Variants in LAMC2 observed in about 807,000 individuals in gnomAD.
The protein encoded by LAMC2 is laminin subunit gamma 2.
Under a neutral mutation model 140.2 loss-of-function variants are expected in LAMC2, and 97 were observed. The ratio of observed to expected loss-of-function variants is 0.69; its 90% CI spans 0.59 to 0.82. The LOEUF (loss-of-function observed/expected upper bound fraction) is 0.82, where lower values mean the gene tolerates loss of function less well. Among genes scored for constraint, LAMC2 ranks in the 40% least tolerant of loss-of-function variants. The pLI, the probability that LAMC2 is intolerant of heterozygous loss-of-function variation, is 0.00. For synonymous variants in LAMC2, 513 were observed against 540.2 expected, an observed-to-expected ratio of 0.95 and a Z score of 0.70; for missense variants, 1,402 against 1,476.1, an observed-to-expected ratio of 0.95 and a Z score of 0.82.
At chr1:183,251,950 T>C in the LAMC2 span, 2 of 154,742 alleles carry the variant, frequency 1.3e-5, no homozygotes, top group African/African-American at 2.5e-5. Flanking sequence ...TGTGTGTGCG[T>C]GTGTGTGGTG....
chr1:183,201,523 C>G (rs1455987333), intron 1 of LAMC2, among the ~76,000 whole-genome samples: 1 of 152,208 alleles, frequency 6.6e-6, no homozygotes, highest in Admixed American at 6.5e-5. Context: ...ATGCATACAT[C>G]AGATCATGCA....
At chr1:183,219,505 T>TC (rs1426507272) in intron 4 of LAMC2, among the ~76,000 whole-genome samples, 5 of 152,188 alleles carry the variant, frequency 3.3e-5, no homozygotes, top group Admixed American at 2.6e-4. Flanking sequence ...ATTCTGACTT[T>TC]TATGGTAATC....
intron 1 of LAMC2, among the ~76,000 whole-genome samples, chr1:183,206,011 A>T (rs1009206348): frequency 6.6e-6 from 1 of 152,224 alleles, no homozygotes; most frequent in Non-Finnish European, 1.5e-5. Flanking sequence ...GTCTACATGC[A>T]ATGGTAAACT....
At chr1:183,239,936 T>A in intron 20 of LAMC2, 104 bp from the exon 21 acceptor site, 1 of 1,270,710 alleles carries the variant, frequency 7.9e-7, no homozygotes, top group Admixed American at 1.7e-5. Flanking sequence ...ATTTACTCCA[T>A]CAGGGCCCGG....
chr1:183,201,966 G>T (rs1658720168), intron 1 of LAMC2, among the ~76,000 whole-genome samples: 3 of 152,124 alleles, frequency 2.0e-5, no homozygotes, highest in Admixed American at 6.5e-5. Flanking sequence ...GATCTAAGGT[G>T]ACCTTGATGG....
Position 183,215,509 on chromosome 1 carries a change from A to G in LAMC2, c.325A>G (p.Thr109Ala). The G allele has an allele frequency of 6.2e-7, 1 of 1,614,206 alleles. No individual in the cohort carries two copies. The change falls in exon 3 of 23, where the codon ACA becomes GCA. Residue 109 changes from threonine to alanine, a missense_variant. Physicochemically the swap from Thr to Ala is moderately conservative, Grantham distance 58 (BLOSUM62 0). This residue lies in a region of LAMC2 where 723 missense variants were observed against 783.3 expected (regional missense o/e 0.92). Coordinates refer to ENST00000264144, the MANE Select transcript of LAMC2 (RefSeq NM_005562.3). ...SGRCSCKPGV[T>A]GARCDRCLPG... The stretch of plus-strand genomic sequence containing the variant: ...ACGGTGCAGCTGTAAACCAGGTGTG[A>G]CAGGAGCCAGATGCGACCGATGTCT...
rs1365540729 is a variant in LAMC2 at position 183,222,214 on chromosome 1, A to G, written c.763+3A>G. On this transcript the variant is annotated splice_donor_region_variant and intron_variant, in intron 6 of 22. Transcript: ENST00000264144. Reference sequence around the variant, plus strand: ...CCCTGTCTATTTTGTGGCTCCTGGTATGTGAGGAATAATGTCTCCTATAGA... The same window carrying G: ...CCCTGTCTATTTTGTGGCTCCTGGTGTGTGAGGAATAATGTCTCCTATAGA... 1.2e-6 allele frequency: 2 copies of G among 1,613,972 alleles called. No homozygotes were observed. Among genetic ancestry groups the G allele is most frequent in the Admixed American group, 1.7e-5 (1 of 60,020 alleles).
Position 183,218,411 on chromosome 1 carries a change from C to T in LAMC2, c.426C>T (p.Asp142=), listed in dbSNP as rs2102215374. The change falls in exon 4 of 23, where the codon GAC becomes GAT. Residue 142 remains aspartate (D), a synonymous_variant. Transcript: ENST00000264144. ...CCAGAGACTCCAAGTGTGACTGTGA[C>T]CCAGCTGGCATCGCAGGGCCCTGTG... The part of the protein sequence containing the change: ...QRLLDSKCDC[D]PAGIAGPCDA... 1.2e-6 allele frequency: 2 copies of T among 1,614,126 alleles called. No individual in the cohort carries two copies. The highest frequency in any genetic ancestry group is 8.5e-7 in the Non-Finnish European group (1 of 1,179,970).
In LAMC2 at chr1:183,220,855, G is replaced by C. The variant is rs748533660; in HGVS notation, c.534G>C (p.Gly178=). The change falls in exon 5 of 23, where the codon GGG becomes GGC. Residue 178 remains glycine, a synonymous_variant. Coordinates refer to ENST00000264144, the MANE Select transcript of LAMC2 (RefSeq NM_005562.3). ...RCRSGYYNLD[G]GNPEGCTQCF... ...GATCAGGTTACTATAATCTGGATGG[G>C]GGGAACCCTGAGGGCTGTACCCAGT... The C allele has an allele frequency of 6.2e-7, 1 of 1,613,962 alleles. No individual in the cohort carries two copies. Among genetic ancestry groups the C allele is most frequent in the African/African-American group, 1.3e-5 (1 of 75,048 alleles).
At chr1:183,232,115 G>A (rs1659816649) in intron 12 of LAMC2, 72 bp from the exon 13 acceptor site, 2 of 1,566,616 alleles carry the variant, frequency 1.3e-6, no homozygotes, top group Non-Finnish European at 1.8e-6. Context: ...TATCCCCTGG[G>A]TACCTGGTAT....
chr1:183,226,817 T>C lies in LAMC2; in HGVS notation c.1186T>C (p.Cys396Arg), dbSNP rs878996295. ...GTACAAGGGGCAATTCTGCCAGGAT[T>C]GTGCTTCTGGCTACAAGAGAGATTC... ...VGYKGQFCQD[C>R]ASGYKRDSAR... Residue 396 changes from cysteine (C) to arginine (R), a missense_variant, in exon 9 of 23, where the codon TGT becomes CGT. By Grantham distance (180) the Cys-to-Arg change is radical. Coordinates refer to ENST00000264144, the MANE Select transcript of LAMC2 (RefSeq NM_005562.3). 1.1e-5 allele frequency: 18 copies of C among 1,614,216 alleles called. No individual in the cohort carries two copies. The highest frequency in any genetic ancestry group is 1.4e-5 in the Non-Finnish European group (17 of 1,180,040).
rs555090268 is a variant in LAMC2 at position 183,228,580 on chromosome 1, G to C, written c.1675G>C (p.Gly559Arg). 3 of 1,613,992 alleles carry C rather than the reference G, an allele frequency of 1.9e-6. No homozygotes were observed. In the East Asian group the frequency reaches 6.7e-5, roughly 36 times the overall value. Reference sequence around the variant, plus strand: ...CGACCAGTGCAAAGCAGGCTACTTCGGGGACCCATTGGCTCCCAACCCAGC... The same window carrying C: ...CGACCAGTGCAAAGCAGGCTACTTCCGGGACCCATTGGCTCCCAACCCAGC... ...YCDQCKAGYF[G>R]DPLAPNPADK... Residue 559 changes from glycine (G) to arginine (R), a missense_variant, in exon 11 of 23, where the codon GGG (glycine) becomes CGG (arginine). By Grantham distance (125) the Gly-to-Arg change is moderately radical. Coordinates refer to ENST00000264144, the MANE Select transcript of LAMC2 (RefSeq NM_005562.3). This position sits in a 1 kb window ranked among gnomAD's most constrained non-coding sequence, Gnocchi z 4.3.
At chr1:183,220,199 G>T (rs1388142356) in intron 4 of LAMC2, among the ~76,000 whole-genome samples, 1 of 152,190 alleles carries the variant, frequency 6.6e-6, no homozygotes, top group African/African-American at 2.4e-5. Flanking sequence ...TCTTATAGAA[G>T]CCACTGGAGG....
Position 183,222,228 on chromosome 1 carries a change from G to A in LAMC2, c.763+17G>A, listed in dbSNP as rs764253947. ...TGGCTCCTGGTATGTGAGGAATAAT[G>A]TCTCCTATAGAGGCCAGCTTATAGG... is the stretch of plus-strand genomic sequence containing the variant. On this transcript the variant is annotated intron_variant, in intron 6 of 22. Coordinates refer to ENST00000264144, the MANE Select transcript of LAMC2 (RefSeq NM_005562.3). 6.2e-7 allele frequency: 1 copy of A among 1,613,458 alleles called. No homozygotes were observed. Among genetic ancestry groups the A allele is most frequent in the Non-Finnish European group, 8.5e-7 (1 of 1,179,404 alleles).
intron 11 of LAMC2, among the ~76,000 whole-genome samples, chr1:183,230,077 A>C (rs565067453): frequency 2.0e-5 from 3 of 152,326 alleles, no homozygotes; most frequent in Non-Finnish European, 2.9e-5. Flanking sequence ...AATTCTAGTT[A>C]TATATTCTAA....
intron 5 of LAMC2, 129 bp from the exon 6 acceptor site, chr1:183,221,960 T>C (rs1659486865): frequency 8.9e-7 from 1 of 1,127,294 alleles, no homozygotes; most frequent in African/African-American, 1.5e-5. Context: ...CATTTGCAAA[T>C]GTGGAAATAT....
chr1:183,198,783 A>G (rs1658607250), intron 1 of LAMC2, among the ~76,000 whole-genome samples: 6 of 152,196 alleles, frequency 3.9e-5, no homozygotes, highest in Admixed American at 3.9e-4. Flanking sequence ...TTGAGGTGGC[A>G]GGCAGAAAGC....
the LAMC2 span, among the ~76,000 whole-genome samples, chr1:183,256,801 G>A: frequency 7.9e-5 from 12 of 152,128 alleles, no homozygotes; most frequent in Non-Finnish European, 1.5e-4. Context: ...CCAGGCTGGA[G>A]TGCAGCAGCG....
intron 1 of LAMC2, among the ~76,000 whole-genome samples, chr1:183,205,365 C>A (rs1658851265): frequency 1.3e-5 from 2 of 152,146 alleles, no homozygotes; most frequent in Non-Finnish European, 2.9e-5. Flanking sequence ...GTTTCACAAG[C>A]ATTGGTTGGG....
Sources: gnomAD v4.1 joint callset for allele counts (sites outside exome capture counted in the v4.1 genomes callset) on GRCh38, gnomAD v4.1.1 for gene constraint, gnomAD v4.1.1 regional missense constraint, Gnocchi (gnomAD v3.1) non-coding constraint, MANE v1.5 for transcripts, NCBI Gene and HGNC (gene_info 2026-07-23, HGNC 2026-07-21) for gene names.